GPT2: variants seen among roughly 807,000 people sequenced by gnomAD.
GPT2 encodes glutamic--pyruvic transaminase 2, also known as alanine aminotransferase 2.
Under a neutral mutation model 56.9 loss-of-function variants are expected in GPT2, and 30 were observed. That is an observed-to-expected ratio of 0.53 (90% CI 0.39 to 0.72). The LOEUF (loss-of-function observed/expected upper bound fraction) is 0.72, where lower values mean the gene tolerates loss of function less well. GPT2 is among the 30% of genes least tolerant of loss of function. The probability of loss-of-function intolerance (pLI) is 0.00; values close to 1 mark genes in which losing one functional copy is unlikely to be tolerated. For missense variants in GPT2, 542 were observed against 703.4 expected (o/e 0.77, Z 2.60); for synonymous variants, 271 against 283.1 (o/e 0.96, Z 0.43).
chr16:46,917,798 C>T (rs1371924014), intron 7 of GPT2, among the ~76,000 whole-genome samples: 1 of 152,104 alleles, frequency 6.6e-6, no homozygotes, highest in African/African-American at 2.4e-5. Context: ...ACAGCTTACC[C>T]ATCAAATTGT....
chr16:46,930,716 C>G lies in GPT2; in HGVS notation c.*1719C>G, dbSNP rs1333212334. On this transcript the variant is annotated 3_prime_UTR_variant, in exon 12 of 12. Coordinates refer to ENST00000340124, the MANE Select transcript of GPT2 (RefSeq NM_133443.4). ...ATTTTTTATATTTTTGTAACAATTG[C>G]TTTTTTCATGGGGGAGGCGGGGTTA... 1 of 152,436 alleles carries G rather than the reference C, an allele frequency of 6.6e-6. No individual in the cohort carries two copies. Among genetic ancestry groups the G allele is most frequent in the African/African-American group, 2.4e-5 (1 of 41,382 alleles). 9.4% of individuals were successfully genotyped at this position (152,436 alleles called of 1,614,324 possible).
rs185996135 is a variant in GPT2 at position 46,897,265 on chromosome 16, C to T, written c.244-383C>T. Among the ~76,000 whole-genome samples, 27 of 152,052 alleles carry T rather than the reference C, an allele frequency of 1.8e-4. No homozygotes were observed. In the East Asian group the frequency reaches 4.1e-3, roughly 23 times the overall value. On this transcript the variant is annotated intron_variant, in intron 2 of 11. Coordinates refer to ENST00000340124, the MANE Select transcript of GPT2 (RefSeq NM_133443.4). The stretch of plus-strand genomic sequence containing the variant: ...GTGCACGTCTGTAATCCCAGCTACT[C>T]GGGAGGCTGAGGCACGAGAATTGCT...
Position 46,906,742 on chromosome 16 carries a change from C to A in GPT2, c.443-100C>A, listed in dbSNP as rs1960937929. The A allele has an allele frequency of 2.7e-6, 4 of 1,504,744 alleles. No individual in the cohort carries two copies. The African/African-American group carries it at 5.5e-5, about 21-fold the overall frequency. The allele number at this position is 1,504,744 out of a possible 1,614,324, so 93.2% of individuals were successfully genotyped here. A position where few individuals can be genotyped will look rare whatever the true frequency, so the allele number is the denominator to read the frequency against. On this transcript the variant is annotated intron_variant, in intron 4 of 11. Coordinates refer to ENST00000340124, the MANE Select transcript of GPT2 (RefSeq NM_133443.4). ...GTTGGGCCCCACCCCGAGACCCTCA[C>A]CCCAAACAGGCATCCCTCTAATTAT... is the stretch of plus-strand genomic sequence containing the variant.
chr16:46,927,027 T>C lies in GPT2; in HGVS notation c.1471T>C (p.Tyr491His), dbSNP rs1567344897. The stretch of plus-strand genomic sequence containing the variant: ...TGGCTTTGGGCAGAGGGAAGGCACT[T>C]ACCACTTCAGGTATGACTTCCTCTC... ...GSGFGQREGT[Y>H]HFRMTILPPV... Residue 491 changes from tyrosine to histidine, a missense_variant, in exon 11 of 12, where the codon TAC (tyrosine) becomes CAC (histidine). By Grantham distance (83) the Tyr-to-His change is moderately conservative. Transcript: ENST00000340124. 1 of 1,596,632 alleles carries C rather than the reference T, an allele frequency of 6.3e-7. No homozygotes were observed. Among genetic ancestry groups the C allele is most frequent in the East Asian group, 2.2e-5 (1 of 44,594 alleles).
At chr16:46,898,388 CGA>C (rs984211738) in intron 3 of GPT2, among the ~76,000 whole-genome samples, 1 of 152,010 alleles carries the variant, frequency 6.6e-6, no homozygotes, top group Non-Finnish European at 1.5e-5. Flanking sequence ...GCACTAACCT[CGA>C]GAGTGCTGCC....
chr16:46,921,085 C>T (rs1961277594), intron 8 of GPT2, among the ~76,000 whole-genome samples: 1 of 152,182 alleles, frequency 6.6e-6, no homozygotes, highest in Admixed American at 6.5e-5. Context: ...ATCTTCCCAC[C>T]TTGAAACGTC....
intron 3 of GPT2, among the ~76,000 whole-genome samples, chr16:46,899,031 A>T (rs1436906876): frequency 1.2e-5 from 1 of 80,054 alleles, no homozygotes. Flanking sequence ...ATATATATAT[A>T]TATATTTTTT....
intron 6 of GPT2, chr16:46,916,069 G>A (rs948180026): frequency 3.9e-5 from 6 of 153,334 alleles, no homozygotes; most frequent in East Asian, 1.9e-4. Context: ...GAGCCGGGCC[G>A]GGCGTGGTGG....
chr16:46,919,430 A>G (rs1399374497), intron 8 of GPT2, among the ~76,000 whole-genome samples: 1 of 151,960 alleles, frequency 6.6e-6, no homozygotes, highest in Non-Finnish European at 1.5e-5. Context: ...TCTGAGTTAA[A>G]CCCCGAAGGA....
intron 4 of GPT2, among the ~76,000 whole-genome samples, chr16:46,905,344 C>T (rs765519297): frequency 1.1e-4 from 16 of 152,090 alleles, no homozygotes; most frequent in Admixed American, 2.6e-4. Context: ...CCACTGCGCC[C>T]GACCCCAGTT....
chr16:46,898,971 CACACATAT>C (rs1355981828), intron 3 of GPT2, among the ~76,000 whole-genome samples: 3 of 9,618 alleles, frequency 3.1e-4, no homozygotes, highest in Non-Finnish European at 5.3e-4. Flanking sequence ...TATATACACA[CACACATAT>C]ATATATATAT....
chr16:46,924,027 A>C (rs1002428512), intron 9 of GPT2: 4 of 365,674 alleles, frequency 1.1e-5, no homozygotes, highest in African/African-American at 8.5e-5. Context: ...CCCACACCCC[A>C]GGGCACGTGG....
Position 46,923,127 on chromosome 16 carries a change from C to G in GPT2, c.1212+711C>G, listed in dbSNP as rs150784084. ...AGCCCCAGCAGCCACCCTTCTACCC[C>G]CTTCTCTCTGCACTCACCTCCTCGA... On this transcript the variant is annotated intron_variant, in intron 9 of 11. Transcript: ENST00000340124. Among the ~76,000 whole-genome samples, 80 of 152,278 alleles carry G rather than the reference C, an allele frequency of 5.3e-4. No individual in the cohort carries two copies. The East Asian group carries it at 0.012, about 24-fold the overall frequency.
At chr16:46,903,372 A>C (rs1960858308) in intron 4 of GPT2, among the ~76,000 whole-genome samples, 1 of 151,670 alleles carries the variant, frequency 6.6e-6, no homozygotes, top group South Asian at 2.1e-4. Context: ...GCAGTGGTGC[A>C]ATCATAGCTC....
In GPT2 at chr16:46,897,364, C is replaced by T. The variant is rs572751275; in HGVS notation, c.244-284C>T. Among the ~76,000 whole-genome samples, 182 of 152,172 alleles carry T rather than the reference C, an allele frequency of 1.2e-3. No homozygotes were observed. The South Asian group carries it at 0.012, about 10-fold the overall frequency. On this transcript the variant is annotated intron_variant, in intron 2 of 11. Coordinates refer to ENST00000340124, the MANE Select transcript of GPT2 (RefSeq NM_133443.4). ...CTCCATCTTGGGCAAGAGAGCAAGCCTCTGTCTCAAAAAAATAAAATTATG... is the reference window on the plus strand; with the variant it reads ...CTCCATCTTGGGCAAGAGAGCAAGCTTCTGTCTCAAAAAAATAAAATTATG...
chr16:46,905,952 G>A (rs1960916367), intron 4 of GPT2, among the ~76,000 whole-genome samples: 1 of 152,214 alleles, frequency 6.6e-6, no homozygotes, highest in Non-Finnish European at 1.5e-5. Flanking sequence ...AATGGCAGCG[G>A]GAGGGTATGT....
Position 46,889,246 on chromosome 16 carries a change from ATTTTTTTTTTTTT to A in GPT2, c.243+4302_243+4314del, listed in dbSNP as rs35803215. Among the ~76,000 whole-genome samples, 7 of 94,946 alleles carry A rather than the reference ATTTTTTTTTTTTT, an allele frequency of 7.4e-5. No homozygotes were observed. The East Asian group carries it at 1.4e-3, about 19-fold the overall frequency. The allele number at this position is 94,946 out of a possible 152,430, so 62.3% of individuals were successfully genotyped here. ...GTTTGCCATGTTGCCCAGGCTGTTA[ATTTTTTTTTTTTT>A]TTTTTTTTTTTTTAAAGAGACAGAG... On this transcript the variant is annotated intron_variant, in intron 2 of 11. Transcript: ENST00000340124.
At chr16:46,890,658 T>A (rs1960567990) in intron 2 of GPT2, among the ~76,000 whole-genome samples, 2 of 151,980 alleles carry the variant, frequency 1.3e-5, no homozygotes, top group African/African-American at 4.8e-5. Context: ...CAAAGAAAAA[T>A]TGTATATATT....
intron 6 of GPT2, among the ~76,000 whole-genome samples, chr16:46,910,380 CAAAAAAAAAAAAAAA>C (rs4039999): frequency 2.2e-5 from 1 of 46,476 alleles, no homozygotes; most frequent in African/African-American, 1.0e-4. Context: ...GACTCTGTCT[CAAAAAAAAAAAAAAA>C]AAAAAAAAAA....
Sources: gnomAD v4.1 joint callset for allele counts (sites outside exome capture counted in the v4.1 genomes callset) on GRCh38, gnomAD v4.1.1 for gene constraint, MANE v1.5 for transcripts, NCBI Gene and HGNC (gene_info 2026-07-23, HGNC 2026-07-21) for gene names.